The following CROCC2 variants were observed in gnomAD, a reference collection of about 807,000 sequenced individuals.
The protein encoded by CROCC2 is ciliary rootlet coiled-coil, rootletin family member 2.
In CROCC2, 163 loss-of-function variants were observed where a neutral mutation model predicts 177.6. That is an observed-to-expected ratio of 0.92 (90% CI 0.81 to 1.05). The LOEUF (loss-of-function observed/expected upper bound fraction) is 1.05, where lower values mean the gene tolerates loss of function less well. Ranked by LOEUF, CROCC2 falls within the 50% of genes least tolerant of loss-of-function variation. The pLI is 0.00. For synonymous variants in CROCC2, 904 were observed against 787.3 expected (o/e 1.15, Z -2.48); for missense variants, 1,929 against 1,797.8 (o/e 1.07, Z -1.32).
At chr2:240,943,387 CG>C (rs1377933562) in intron 14 of CROCC2, among the ~76,000 whole-genome samples, 1 of 152,060 alleles carries the variant, frequency 6.6e-6, no homozygotes, top group Non-Finnish European at 1.5e-5. Context: ...TTTCGTTCCC[CG>C]GCTGCTTTGG....
At chr2:240,986,280 C>T (rs972093945) in intron 28 of CROCC2, among the ~76,000 whole-genome samples, 1 of 152,190 alleles carries the variant, frequency 6.6e-6, no homozygotes, top group Non-Finnish European at 1.5e-5. Flanking sequence ...GCTGTGCCCA[C>T]CTCCCTCTGG....
At chr2:240,933,958 CT>C in intron 11 of CROCC2, 106 bp downstream of exon 11, 1 of 1,254,700 alleles carries the variant, frequency 8.0e-7, no homozygotes, top group African/African-American at 1.5e-5. Flanking sequence ...TTTCACCTGT[CT>C]CATCTCAGGG....
intron 1 of CROCC2, among the ~76,000 whole-genome samples, chr2:240,915,599 G>T (rs2106451132): frequency 6.6e-6 from 1 of 152,290 alleles, no homozygotes; most frequent in South Asian, 2.1e-4. Flanking sequence ...GGGGAGCCCT[G>T]CTCTAACCCT....
chr2:240,963,214 G>A (rs945773333), intron 20 of CROCC2: 3 of 302,910 alleles, frequency 9.9e-6, no homozygotes, highest in African/African-American at 2.1e-5. Flanking sequence ...CCCAGGCAGT[G>A]ACAGTGCAGA....
intron 27 of CROCC2, chr2:240,981,434 C>G (rs2059799108): frequency 6.6e-6 from 1 of 152,264 alleles, no homozygotes; most frequent in African/African-American, 2.4e-5. Context: ...CACACAGCAT[C>G]AGGATTTAGA....
intron 14 of CROCC2, among the ~76,000 whole-genome samples, 195 bp downstream of exon 14, chr2:240,935,783 C>A (rs1186516792): frequency 6.6e-6 from 1 of 151,988 alleles, no homozygotes; most frequent in African/African-American, 2.4e-5. Context: ...GAAGAAGATT[C>A]CCATCAGGCC....
chr2:240,967,927 C>G (rs893948140), intron 26 of CROCC2, among the ~76,000 whole-genome samples: 1 of 152,182 alleles, frequency 6.6e-6, no homozygotes, highest in Admixed American at 6.5e-5. Context: ...TGCTTATTGC[C>G]CCTCAATTAA....
chr2:240,932,873 C>T lies in CROCC2; in HGVS notation c.1216C>T (p.Arg406Trp), dbSNP rs778707158. The change falls in exon 9 of 32, where the codon CGG becomes TGG. Residue 406 changes from arginine to tryptophan, a missense_variant. Arg to Trp is a moderately radical substitution (Grantham distance 101). This residue lies in a region of CROCC2 where 1,397 missense variants were observed against 1,239.9 expected (regional missense o/e 1.13). Coordinates refer to ENST00000690015, the MANE Select transcript of CROCC2 (RefSeq NM_001351305.2). ...ATLDPALQAM[R>W]AAIERRWRRE... ...CCTGGACCCCGCACTGCAGGCCATG[C>T]GGGCAGCCATAGAGAGGCGGTGGCG... 5.8e-6 allele frequency: 9 copies of T among 1,546,600 alleles called. No homozygotes were observed. The highest frequency in any genetic ancestry group is 4.0e-5 in the Admixed American group (2 of 50,616).
intron 25 of CROCC2, among the ~76,000 whole-genome samples, chr2:240,966,675 A>G (rs1559609206): frequency 6.6e-6 from 1 of 152,082 alleles, no homozygotes; most frequent in African/African-American, 2.4e-5. Context: ...AGGGTAGGGC[A>G]TTCTGCAACT....
chr2:240,953,247 TA>T lies in CROCC2; in HGVS notation c.2830-2602del, dbSNP rs36123494. The stretch of plus-strand genomic sequence containing the variant: ...CAACATGGTGAAACCCCGTCTCTAC[TA>T]AAAAAAAAATACAAAAATTAGCTGG... On this transcript the variant is annotated intron_variant, in intron 18 of 31. Transcript: ENST00000690015. The surrounding 1 kb of genome is among the most constrained non-coding windows in gnomAD (Gnocchi z 4.0). Among the ~76,000 whole-genome samples, 7 of 149,180 alleles carry T rather than the reference TA, an allele frequency of 4.7e-5. No homozygotes were observed. Among genetic ancestry groups the T allele is most frequent in the East Asian group, 2.0e-4 (1 of 5,084 alleles).
Position 240,971,001 on chromosome 2 carries a change from G to A in CROCC2, c.4401+2739G>A, listed in dbSNP as rs541495663. On this transcript the variant is annotated intron_variant, in intron 27 of 31. Transcript: ENST00000690015. ...TGGGGGCATCCGGGCTCATCCCAGC[G>A]TGGCGAGTCCAGCTCTTTGCGTTGT... is the stretch of plus-strand genomic sequence containing the variant. Among the ~76,000 whole-genome samples the A allele has an allele frequency of 4.1e-4, 63 of 152,318 alleles. No individual in the cohort carries two copies. In the South Asian group the frequency reaches 0.011, roughly 27 times the overall value.
Position 240,917,031 on chromosome 2 carries a change from C to T in CROCC2, c.79-1695C>T, listed in dbSNP as rs1010731066. Among the ~76,000 whole-genome samples, 13 of 152,164 alleles carry T rather than the reference C, an allele frequency of 8.5e-5. No individual in the cohort carries two copies. Among genetic ancestry groups the T allele is most frequent in the African/African-American group, 3.1e-4 (13 of 41,448 alleles). On this transcript the variant is annotated intron_variant, in intron 1 of 31. Coordinates refer to ENST00000690015, the MANE Select transcript of CROCC2 (RefSeq NM_001351305.2). The surrounding 1 kb of genome is among the most constrained non-coding windows in gnomAD (Gnocchi z 4.9). ...CTCCCCCTCCCCCACTGGGCTGCTG[C>T]TCCCAAGGGGGGCCCATTACTCCCT... is the stretch of plus-strand genomic sequence containing the variant.
intron 27 of CROCC2, among the ~76,000 whole-genome samples, chr2:240,970,930 C>T (rs2059716044): frequency 1.3e-5 from 2 of 152,340 alleles, no homozygotes; most frequent in Admixed American, 6.5e-5. Context: ...CTGGGCCACC[C>T]GAGGCCACGG....
intron 19 of CROCC2, among the ~76,000 whole-genome samples, chr2:240,956,750 T>G (rs1024268667): frequency 1.3e-5 from 2 of 152,178 alleles, no homozygotes; most frequent in African/African-American, 4.8e-5. Context: ...TGCCTCCAGC[T>G]CATGGGCAAG....
intron 1 of CROCC2, among the ~76,000 whole-genome samples, chr2:240,907,181 G>C (rs1186003036): frequency 6.6e-6 from 1 of 152,204 alleles, no homozygotes. Context: ...CTGCACATTT[G>C]TGGGAGGCTG....
chr2:240,936,214 A>G (rs1193426560), intron 14 of CROCC2, among the ~76,000 whole-genome samples: 5 of 152,124 alleles, frequency 3.3e-5, no homozygotes, highest in African/African-American at 4.8e-5. Flanking sequence ...TTGACATTTA[A>G]TAAGTCAGTG....
rs887599039 is a variant in CROCC2, at chr2:240,949,629, G to C, written c.2579G>C (p.Arg860Pro). ...CAGCGACAGGTGGCACAGCAGGAGC[G>C]GGAGGCACAGCGGGCCCTGGAGAGC... ...RLQRQVAQQE[R>P]EAQRALESQA... The change falls in exon 17 of 32, where the codon CGG (arginine) becomes CCG (proline). Residue 860 changes from arginine to proline, a missense_variant. Around this residue, in one of 3 missense-constraint regions of CROCC2, gnomAD observed 1,397 missense variants for 1,239.9 expected, o/e 1.13. Coordinates refer to ENST00000690015, the MANE Select transcript of CROCC2 (RefSeq NM_001351305.2). This position sits in a 1 kb window ranked among gnomAD's most constrained non-coding sequence, Gnocchi z 4.5. 6.5e-7 allele frequency: 1 copy of C among 1,550,318 alleles called. No homozygotes were observed. The highest frequency in any genetic ancestry group is 1.4e-5 in the African/African-American group (1 of 73,036).
chr2:240,917,541 G>C lies in CROCC2; in HGVS notation c.79-1185G>C, dbSNP rs547013046. Among the ~76,000 whole-genome samples the C allele has an allele frequency of 6.6e-6, 1 of 152,252 alleles. No individual in the cohort carries two copies. Among genetic ancestry groups the C allele is most frequent in the African/African-American group, 2.4e-5 (1 of 41,552 alleles). On this transcript the variant is annotated intron_variant, in intron 1 of 31. Transcript: ENST00000690015. The surrounding 1 kb of genome is among the most constrained non-coding windows in gnomAD (Gnocchi z 4.9). ...CCAGGTGGTCACCCACGTGGACCCT[G>C]GTCAGGAGGAAAATCCAGGAGGCAC...
intron 31 of CROCC2, among the ~76,000 whole-genome samples, chr2:240,991,708 G>A (rs533129447): frequency 8.5e-5 from 13 of 152,286 alleles, no homozygotes; most frequent in South Asian, 2.1e-4. Context: ...GCCTGCCCCC[G>A]CCTGGCACTC....
Sources: allele counts gnomAD v4.1 joint callset (sites outside exome capture counted in the v4.1 genomes callset), GRCh38; gene constraint gnomAD v4.1.1; regional missense constraint gnomAD v4.1.1; non-coding constraint Gnocchi (gnomAD v3.1); transcripts MANE v1.5; gene names NCBI Gene and HGNC (gene_info 2026-07-23, HGNC 2026-07-21).